NOTCH2NLB: variants seen among roughly 807,000 people sequenced by gnomAD.
NOTCH2NLB encodes notch homolog 2 N-terminal-like protein B.
A neutral mutation model predicts 14.8 loss-of-function variants in NOTCH2NLB; 1 was observed. The observed-to-expected ratio is 0.07, with a 90% CI of 0.02 to 0.32. NOTCH2NLB has a LOEUF of 0.32. Ranked by LOEUF, NOTCH2NLB falls within the 10% of genes least tolerant of loss-of-function variation. The pLI, the probability that NOTCH2NLB is intolerant of heterozygous loss-of-function variation, is 1.00. For missense variants in NOTCH2NLB, 11 were observed against 155.0 expected (o/e 0.07, Z 4.93); for synonymous variants, 6 against 57.5 (o/e 0.10, Z 4.05).
chr1:148,688,086 C>A, the NOTCH2NLB span, among the ~76,000 whole-genome samples: 1 of 114,256 alleles, frequency 8.8e-6, no homozygotes, highest in Non-Finnish European at 1.7e-5. Context: ...CAAACAATAA[C>A]AACAACAACA....
chr1:148,610,191 G>A (rs1305301904), intron 3 of NOTCH2NLB, among the ~76,000 whole-genome samples: 17 of 131,870 alleles, frequency 1.3e-4, no homozygotes, highest in African/African-American at 4.7e-4. Context: ...GGGAGGCTGA[G>A]GCACAAGAAT....
chr1:148,670,982 G>A (rs1223223334), intron 1 of NOTCH2NLB, among the ~76,000 whole-genome samples: 5 of 440 alleles, frequency 0.011, no homozygotes, highest in Non-Finnish European at 0.014. Flanking sequence ...CTCAGGATAC[G>A]GTCTTTTACC....
intron 1 of NOTCH2NLB, among the ~76,000 whole-genome samples, chr1:148,670,553 C>CACATATATAT (rs1664752833): frequency 5.8e-5 from 6 of 104,230 alleles, no homozygotes; most frequent in African/African-American, 2.1e-4. Context: ...TATATATATA[C>CACATATATAT]ATATATATAT....
rs1210647520 is a variant in NOTCH2NLB at position 148,615,184 on chromosome 1, G to C, written c.337+507C>G. Among the ~76,000 whole-genome samples the C allele has an allele frequency of 3.6e-3, 484 of 136,220 alleles. 3 individuals carry two copies. Among genetic ancestry groups the C allele is most frequent in the African/African-American group, 0.012 (465 of 39,360 alleles). The allele number at this position is 136,220 out of a possible 152,430, so 89.4% of individuals were successfully genotyped here. On this transcript the variant is annotated intron_variant, in intron 3 of 4. Coordinates refer to ENST00000593495, the Ensembl canonical transcript of NOTCH2NLB. ...GGGTCTCACTCTGTCACCCAGGCTA[G>C]AGTGCAGTGGTGCGATCATAGCTCA...
the NOTCH2NLB span, among the ~76,000 whole-genome samples, chr1:148,695,810 G>C: frequency 2.1e-5 from 3 of 146,232 alleles, no homozygotes; most frequent in Admixed American, 6.8e-5. Flanking sequence ...GGTGGAGGAA[G>C]CACAAGTTCA....
chr1:148,604,956 C>A (rs1304984340), downstream of NOTCH2NLB, among the ~76,000 whole-genome samples: 1 of 97,386 alleles, frequency 1.0e-5, no homozygotes, highest in Non-Finnish European at 2.1e-5. Context: ...CATATACACA[C>A]ACACACACAC....
chr1:148,637,256 G>A lies in NOTCH2NLB; in HGVS notation c.77+2760C>T, dbSNP rs1365172074. Among the ~76,000 whole-genome samples, 391 of 136,430 alleles carry A rather than the reference G, an allele frequency of 2.9e-3. 1 individual carries two copies. Among genetic ancestry groups the A allele is most frequent in the African/African-American group, 9.1e-3 (300 of 33,054 alleles). The allele number at this position is 136,430 out of a possible 152,430, so 89.5% of individuals were successfully genotyped here. A position where few individuals can be genotyped will look rare whatever the true frequency, so the allele number is the denominator to read the frequency against. On this transcript the variant is annotated intron_variant, in intron 2 of 4. Coordinates refer to ENST00000593495, the Ensembl canonical transcript of NOTCH2NLB. Reference sequence around the variant, plus strand: ...GCTAATTTTTTGCATTTTTAGTAGAGATGGGATTTCACCGTGTTAGCCAGG... The same window carrying A: ...GCTAATTTTTTGCATTTTTAGTAGAAATGGGATTTCACCGTGTTAGCCAGG...
At chr1:148,609,250 A>C (rs1663608508) in intron 3 of NOTCH2NLB, among the ~76,000 whole-genome samples, 4 of 89,976 alleles carry the variant, frequency 4.4e-5, no homozygotes, top group Admixed American at 1.1e-4. Context: ...CCCCCGTCCC[A>C]CCACCCCACG....
the NOTCH2NLB span, among the ~76,000 whole-genome samples, chr1:148,694,847 T>C: frequency 7.7e-5 from 7 of 90,488 alleles, no homozygotes; most frequent in African/African-American, 2.6e-4. Flanking sequence ...ACACAAATGA[T>C]CACTGGGCTT....
intron 2 of NOTCH2NLB, among the ~76,000 whole-genome samples, chr1:148,633,268 C>A (rs1664146872): frequency 8.0e-6 from 1 of 124,834 alleles, no homozygotes; most frequent in Non-Finnish European, 1.6e-5. Flanking sequence ...AAACCTATGT[C>A]CTCAGCTGGG....
chr1:148,605,403 C>T, downstream of NOTCH2NLB, among the ~76,000 whole-genome samples: 1 of 144,488 alleles, frequency 6.9e-6, no homozygotes, highest in East Asian at 2.0e-4. Flanking sequence ...CATTGAATCT[C>T]CCCATTCCCA....
chr1:148,638,031 T>A (rs1664253196), intron 2 of NOTCH2NLB, among the ~76,000 whole-genome samples: 1 of 148,340 alleles, frequency 6.7e-6, no homozygotes, highest in East Asian at 1.9e-4. Flanking sequence ...TTTCCTACTG[T>A]AAATAGTGCT....
intron 1 of NOTCH2NLB, among the ~76,000 whole-genome samples, chr1:148,659,029 A>G (rs1259715772): frequency 2.7e-4 from 38 of 142,982 alleles, no homozygotes; most frequent in African/African-American, 9.4e-4. Flanking sequence ...TACATACTCA[A>G]TAAAAAGTTA....
At position 148,637,643 on chromosome 1, in the gene NOTCH2NLB, T is replaced by C. The variant is rs1271185605; in HGVS notation, c.77+2373A>G. The stretch of plus-strand genomic sequence containing the variant: ...AGAATGTGCAGGTTTGTTTCATAGG[T>C]ATACATGTGCCATGGTGGTTTGCTG... On this transcript the variant is annotated intron_variant, in intron 2 of 4. Transcript: ENST00000593495. 1.1e-3 allele frequency among the ~76,000 whole-genome samples: 166 copies of C among 145,928 alleles called. 7 individuals are homozygous for C. Among genetic ancestry groups the C allele is most frequent in the African/African-American group, 1.4e-3 (55 of 38,366 alleles).
chr1:148,625,067 G>A (rs1455299802), intron 2 of NOTCH2NLB, among the ~76,000 whole-genome samples: 28 of 39,334 alleles, frequency 7.1e-4, no homozygotes, highest in South Asian at 1.1e-3. Context: ...ATCTGGCAAT[G>A]GCTGCAGTTC....
chr1:148,684,914 C>A, the NOTCH2NLB span, among the ~76,000 whole-genome samples: 1 of 133,110 alleles, frequency 7.5e-6, no homozygotes, highest in Non-Finnish European at 1.7e-5. Context: ...GGTGACAGAG[C>A]AAGACCCTGT....
At chr1:148,691,791 C>T in the NOTCH2NLB span, among the ~76,000 whole-genome samples, 1 of 77,888 alleles carries the variant, frequency 1.3e-5, no homozygotes, top group Non-Finnish European at 2.4e-5. Flanking sequence ...TGGTGATAAG[C>T]AAGTTCTCAC....
chr1:148,602,281 G>GA (rs1489123785), downstream of NOTCH2NLB, among the ~76,000 whole-genome samples: 3 of 34,480 alleles, frequency 8.7e-5, no homozygotes, highest in South Asian at 1.8e-3. Flanking sequence ...AAAAAAAAAA[G>GA]AAAAGAAAAG....
Position 148,638,396 on chromosome 1 carries a change from G to T in NOTCH2NLB, c.77+1620C>A, listed in dbSNP as rs1328931436. On this transcript the variant is annotated intron_variant, in intron 2 of 4. Coordinates refer to ENST00000593495, the Ensembl canonical transcript of NOTCH2NLB. ...CAACAAATGACCATAATGCAATGGG[G>T]TTAACTACCACAAGAGTTGCATAAC... Among the ~76,000 whole-genome samples, 208 of 149,026 alleles carry T rather than the reference G, an allele frequency of 1.4e-3. 8 individuals carry two copies. Among genetic ancestry groups the T allele is most frequent in the Non-Finnish European group, 2.5e-3 (168 of 67,152 alleles).
Sources: gnomAD v4.1 joint callset for allele counts (sites outside exome capture counted in the v4.1 genomes callset) on GRCh38, gnomAD v4.1.1 for gene constraint, MANE v1.5 for transcripts, NCBI Gene and HGNC (gene_info 2026-07-23, HGNC 2026-07-21) for gene names.